UROS: variants seen among roughly 807,000 people sequenced by gnomAD.
UROS encodes the protein uroporphyrinogen-III synthase.
Under a neutral mutation model 33.0 loss-of-function variants are expected in UROS, and 18 were observed. That is an observed-to-expected ratio of 0.55 (90% CI 0.38 to 0.81). The LOEUF is 0.81. UROS is among the 30% of genes least tolerant of loss of function. The pLI, the probability that UROS is intolerant of heterozygous loss-of-function variation, is 0.00. For missense variants in UROS, 293 were observed against 314.9 expected, an observed-to-expected ratio of 0.93 and a Z score of 0.53; for synonymous variants, 114 against 121.1, an observed-to-expected ratio of 0.94 and a Z score of 0.38.
rs761750128 is a variant in UROS, at chr10:125,788,968, GCCAGC to G, written c.693_697del (p.Leu232ArgfsTer73). ...GCAGCTTACAGGAAGGCCCTGGGCG[GCCAGC>G]GCGCGAGCCGTAGTGGGGCCGATGG... is the stretch of plus-strand genomic sequence containing the variant. On this transcript the variant is annotated frameshift_variant, in exon 10 of 10. Transcript: ENST00000368797. LOFTEE classifies it high-confidence loss of function. 1.4e-5 allele frequency: 22 copies of G among 1,611,794 alleles called. No homozygotes were observed. The highest frequency in any genetic ancestry group is 1.7e-5 in the Non-Finnish European group (20 of 1,179,818).
At chr10:125,808,711 G>A (rs530024167) in intron 5 of UROS, among the ~76,000 whole-genome samples, 2 of 152,336 alleles carry the variant, frequency 1.3e-5, no homozygotes, top group Non-Finnish European at 2.9e-5. Context: ...ACAACCCTGT[G>A]AACAGAACAA....
chr10:125,804,499 G>C (rs745803901), intron 6 of UROS, among the ~76,000 whole-genome samples: 1 of 152,158 alleles, frequency 6.6e-6, no homozygotes, highest in African/African-American at 2.4e-5. Flanking sequence ...TACTGAACCT[G>C]AGTAGGGAGT....
chr10:125,816,890 C>G (rs1170887966), intron 1 of UROS, among the ~76,000 whole-genome samples: 1 of 152,182 alleles, frequency 6.6e-6, no homozygotes, highest in East Asian at 1.9e-4. Flanking sequence ...AATAGCTTTT[C>G]CATTTCAAGA....
intron 2 of UROS, 35 bp downstream of exon 2, chr10:125,816,402 G>C (rs375837383): frequency 1.2e-6 from 2 of 1,613,510 alleles, no homozygotes; most frequent in South Asian, 2.2e-5. Flanking sequence ...TCAGTAGAAA[G>C]GACACTGTGG....
chr10:125,818,792 T>A (rs1853592241), intron 1 of UROS, among the ~76,000 whole-genome samples: 8 of 152,188 alleles, frequency 5.3e-5, no homozygotes, highest in Admixed American at 5.2e-4. Context: ...GCTTTTTTGA[T>A]GGACTTTCTT....
chr10:125,812,092 T>G (rs1852866464), intron 5 of UROS, 122 bp downstream of exon 5: 2 of 851,626 alleles, frequency 2.3e-6, no homozygotes, highest in Non-Finnish European at 3.8e-6. Flanking sequence ...TATCGTATAC[T>G]TAATTAATTT....
intron 3 of UROS, 147 bp downstream of exon 3, chr10:125,816,030 C>G (rs544687309): frequency 7.5e-5 from 63 of 841,692 alleles, no homozygotes; most frequent in Non-Finnish European, 1.2e-4. Context: ...CCAACAGCAG[C>G]AGCCTCCTGG....
At chr10:125,795,256 A>G (rs1007628768) in intron 8 of UROS, 4 of 484,202 alleles carry the variant, frequency 8.3e-6, no homozygotes, top group Non-Finnish European at 1.5e-5. Context: ...TCATGTGCCC[A>G]GCAGCCTAGA....
At chr10:125,820,907 C>G (rs1470538713) in intron 1 of UROS, among the ~76,000 whole-genome samples, 1 of 152,172 alleles carries the variant, frequency 6.6e-6, no homozygotes, top group Non-Finnish European at 1.5e-5. Flanking sequence ...GAGTTCAGTT[C>G]CCTAGGGTCA....
At chr10:125,786,524 A>T (rs977417974), downstream of UROS, among the ~76,000 whole-genome samples, 3 of 152,060 alleles carry the variant, frequency 2.0e-5, no homozygotes, top group African/African-American at 7.2e-5. Context: ...TCAGCCTCCC[A>T]CAGTGCTGGG....
intron 6 of UROS, among the ~76,000 whole-genome samples, chr10:125,805,944 C>A (rs565225510): frequency 6.6e-6 from 1 of 152,192 alleles, no homozygotes; most frequent in Non-Finnish European, 1.5e-5. Flanking sequence ...ATCCACTGAG[C>A]CCAGCAGTAT....
At chr10:125,812,945 A>G (rs1304490082) in intron 4 of UROS, among the ~76,000 whole-genome samples, 1 of 152,234 alleles carries the variant, frequency 6.6e-6, no homozygotes, top group Non-Finnish European at 1.5e-5. Flanking sequence ...GAAAACAGGG[A>G]AATAATGGTT....
rs1261150804 is a variant in UROS, at chr10:125,815,021, G to T, written c.244+13C>A. The T allele has an allele frequency of 6.2e-7, 1 of 1,613,816 alleles. No homozygotes were observed. The highest frequency in any genetic ancestry group is 1.1e-5 in the South Asian group (1 of 91,060). On this transcript the variant is annotated intron_variant, in intron 4 of 9. Transcript: ENST00000368797. ...TAAATGTCCAGTGGAATCCACAGCA[G>T]ACCCACCCTCACCTTCAGTTTTATT...
chr10:125,813,536 T>C (rs74936491), intron 4 of UROS, among the ~76,000 whole-genome samples: 2,430 of 152,322 alleles, frequency 0.016, 61 homozygotes, highest in African/African-American at 0.054. Flanking sequence ...TAGCGTATAA[T>C]GGCACAATCG....
At chr10:125,815,183 CT>C in intron 3 of UROS, 53 bp from the exon 4 acceptor site, 2 of 1,589,346 alleles carry the variant, frequency 1.3e-6, no homozygotes, top group Non-Finnish European at 1.7e-6. Context: ...TGTTCAACAT[CT>C]TCCAAGGAGC....
At position 125,789,138 on chromosome 10, in the gene UROS, A is replaced by T. The variant is rs1304613019; in HGVS notation, c.661-133T>A. ...ACTGCTCATGTGACGTGTTTATAAA[A>T]ATGACAACACTGCCCGATTCTAGCC... On this transcript the variant is annotated intron_variant, in intron 9 of 9. Transcript: ENST00000368797. 3.5e-6 allele frequency: 5 copies of T among 1,448,492 alleles called. No individual in the cohort carries two copies. The African/African-American group carries it at 6.9e-5, about 20-fold the overall frequency. 89.7% of individuals were successfully genotyped at this position (1,448,492 alleles called of 1,614,324 possible). A position where few individuals can be genotyped will look rare whatever the true frequency, so the allele number is the denominator to read the frequency against.
chr10:125,800,349 A>C (rs1391858085), intron 6 of UROS, among the ~76,000 whole-genome samples: 1 of 152,102 alleles, frequency 6.6e-6, no homozygotes, highest in Admixed American at 6.5e-5. Context: ...CCTTTTAACC[A>C]ATCAAATGTT....
downstream of UROS, chr10:125,785,550 T>A (rs893323220): frequency 6.6e-6 from 1 of 152,286 alleles, no homozygotes; most frequent in African/African-American, 2.4e-5. Context: ...ACAATGTTTT[T>A]ATTTTGTTAC....
chr10:125,800,672 C>T (rs1851776224), intron 6 of UROS, among the ~76,000 whole-genome samples: 1 of 152,014 alleles, frequency 6.6e-6, no homozygotes, highest in South Asian at 2.1e-4. Flanking sequence ...TGCAATTCTC[C>T]TGCCTCAGCC....
Sources: gnomAD v4.1 joint callset for allele counts (sites outside exome capture counted in the v4.1 genomes callset) on GRCh38, gnomAD v4.1.1 for gene constraint, MANE v1.5 for transcripts, NCBI Gene and HGNC (gene_info 2026-07-23, HGNC 2026-07-21) for gene names.